PKMYT1: variants seen among roughly 807,000 people sequenced by gnomAD.
PKMYT1 encodes the protein protein kinase, membrane associated tyrosine/threonine 1, also known as membrane-associated tyrosine- and threonine-specific cdc2-inhibitory kinase.
PKMYT1 carries 35 observed loss-of-function variants against 49.7 expected under a neutral mutation model. The observed-to-expected ratio is 0.70, with a 90% confidence interval of 0.54 to 0.93. PKMYT1 has a LOEUF of 0.93. PKMYT1 is among the 40% of genes least tolerant of loss of function. PKMYT1 has a pLI of 0.00. For synonymous variants in PKMYT1, 331 were observed against 287.6 expected, an observed-to-expected ratio of 1.15 and a Z score of -1.53; for missense variants, 677 against 673.1, an observed-to-expected ratio of 1.01 and a Z score of -0.06.
chr16:2,973,911 G>T, intron 7 of PKMYT1, 89 bp downstream of exon 7: 1 of 1,387,524 alleles, frequency 7.2e-7, no homozygotes, highest in African/African-American at 1.4e-5. Flanking sequence ...GTTTGTGGGA[G>T]TGGTCCCCAT....
Position 2,975,668 on chromosome 16 carries a change from G to C in PKMYT1, c.523C>G (p.Gln175Glu), listed in dbSNP as rs745531416. 1 of 1,610,816 alleles carries C rather than the reference G, an allele frequency of 6.2e-7. No individual in the cohort carries two copies. The highest frequency in any genetic ancestry group is 8.5e-7 in the Non-Finnish European group (1 of 1,179,832). ...GQHPCCVRLEQAWEEGGILYL... is the reference protein window; with the variant it reads ...GQHPCCVRLEEAWEEGGILYL... ...AGGATGCCGCCCTCCTCCCAGGCCTGCTCCAGCCGCACGCAGCATGGGTGC... is the reference window on the plus strand; with the variant it reads ...AGGATGCCGCCCTCCTCCCAGGCCTCCTCCAGCCGCACGCAGCATGGGTGC... Residue 175 changes from glutamine (Q) to glutamate (E), a missense_variant, in exon 4 of 9, where the codon CAG becomes GAG. By Grantham distance (29) the Gln-to-Glu change is conservative. Transcript: ENST00000262300.
Position 2,977,617 on chromosome 16 carries a change from G to A in PKMYT1, c.11-586C>T, listed in dbSNP as rs572527423. 1.2e-4 allele frequency: 53 copies of A among 446,454 alleles called. No homozygotes were observed. The South Asian group carries it at 4.0e-3, about 34-fold the overall frequency. The allele number at this position is 446,454 out of a possible 1,614,324, so 27.7% of individuals were successfully genotyped here. A position where few individuals can be genotyped will look rare whatever the true frequency, so the allele number is the denominator to read the frequency against. On this transcript the variant is annotated intron_variant, in intron 2 of 8. Transcript: ENST00000262300. ...AGCACTGAAAGCCTCTGGGCATGGT[G>A]CCCAGGGCACACAGCAAACAAAGGT...
Position 2,976,826 on chromosome 16 carries a change from T to C in PKMYT1, c.216A>G (p.Pro72=). ...PISRLFPPRT[P]GWHQLQPRRV... ...GCCGGGGCTGCAGCTGGTGCCAGCCTGGGGTCCGAGGAGGGAAGAGGCGGC... is the reference window on the plus strand; with the variant it reads ...GCCGGGGCTGCAGCTGGTGCCAGCCCGGGGTCCGAGGAGGGAAGAGGCGGC... The change falls in exon 3 of 9, where the codon CCA becomes CCG. Residue 72 remains proline, a synonymous_variant. Coordinates refer to ENST00000262300, the MANE Select transcript of PKMYT1 (RefSeq NM_004203.5). 6.4e-7 allele frequency: 1 copy of C among 1,565,952 alleles called. No individual in the cohort carries two copies. The highest frequency in any genetic ancestry group is 8.7e-7 in the Non-Finnish European group (1 of 1,154,578).
Position 2,974,331 on chromosome 16 carries a change from G to A in PKMYT1, c.1066C>T (p.Leu356=), listed in dbSNP as rs1015825678. The change falls in exon 6 of 9, where the codon CTG becomes TTG. Residue 356 remains leucine (L), a synonymous_variant. Transcript: ENST00000262300. ...GCCCGCGGCTGCCTCAACACAGGCA[G>A]TGCCAGCAGGGCCTCGGCCGTGGCC... The part of the protein sequence containing the change: ...LRATAEALLA[L]PVLRQPRAWG... 33 of 1,607,142 alleles carry A rather than the reference G, an allele frequency of 2.1e-5. No individual in the cohort carries two copies. The highest frequency in any genetic ancestry group is 2.8e-5 in the Non-Finnish European group (33 of 1,177,538).
At position 2,975,739 on chromosome 16, in the gene PKMYT1, C is replaced by T. The variant is rs139434266; in HGVS notation, c.452G>A (p.Arg151Gln). 8.4e-5 allele frequency: 134 copies of T among 1,602,756 alleles called. No individual in the cohort carries two copies. The highest frequency in any genetic ancestry group is 4.0e-5 in the African/African-American group (3 of 74,944). ...SMSPFRGPKD[R>Q]ARKLAEVGSH... ...GCCCACCTCGGCCAACTTGCGGGCCCGGTCCTTGGGGCCCCGGAATGGTGA... is the reference window on the plus strand; with the variant it reads ...GCCCACCTCGGCCAACTTGCGGGCCTGGTCCTTGGGGCCCCGGAATGGTGA... The change falls in exon 4 of 9, where the codon CGG becomes CAG. Residue 151 changes from arginine (R) to glutamine (Q), a missense_variant. By Grantham distance (43) the Arg-to-Gln change is conservative. Transcript: ENST00000262300.
In PKMYT1 at chr16:2,974,610, G is replaced by T; in HGVS notation, c.919C>A (p.His307Asn). The change falls in exon 5 of 9, where the codon CAC becomes AAC. Residue 307 changes from histidine to asparagine, a missense_variant. By Grantham distance (68) the His-to-Asn change is moderately conservative. Coordinates refer to ENST00000262300, the MANE Select transcript of PKMYT1 (RefSeq NM_004203.5). ...LEVACNMELP[H>N]GGEGWQQLRQ... ...AGCTGCTGCCAGCCCTCCCCACCGT[G>T]GGGCAGCTCCATGTTGCATGCCACT... is the stretch of plus-strand genomic sequence containing the variant. 6.3e-7 allele frequency: 1 copy of T among 1,580,230 alleles called. No homozygotes were observed. The highest frequency in any genetic ancestry group is 8.6e-7 in the Non-Finnish European group (1 of 1,163,390).
intron 3 of PKMYT1, among the ~76,000 whole-genome samples, chr16:2,976,318 G>A (rs2072192202): frequency 6.6e-6 from 1 of 152,024 alleles, no homozygotes; most frequent in Non-Finnish European, 1.5e-5. Flanking sequence ...AGCCTGGGGA[G>A]GGCTGGCCAG....
At chr16:2,978,087 G>A (rs896219110) in intron 2 of PKMYT1, among the ~76,000 whole-genome samples, 1 of 152,180 alleles carries the variant, frequency 6.6e-6, no homozygotes, top group African/African-American at 2.4e-5. Context: ...TAAAGCAATA[G>A]CAGCACTCAG....
intron 2 of PKMYT1, among the ~76,000 whole-genome samples, chr16:2,978,888 C>A (rs2072269055): frequency 6.6e-6 from 1 of 151,566 alleles, no homozygotes; most frequent in African/African-American, 2.4e-5. Flanking sequence ...CCCACTGCAG[C>A]CTCCGACTCC....
Position 2,979,812 on chromosome 16 carries a change from T to C in PKMYT1, c.-155A>G, listed in dbSNP as rs1411969877. 2 of 797,798 alleles carry C rather than the reference T, an allele frequency of 2.5e-6. No homozygotes were observed. Among genetic ancestry groups the C allele is most frequent in the Non-Finnish European group, 4.1e-6 (2 of 487,960 alleles). 49.4% of individuals were successfully genotyped at this position (797,798 alleles called of 1,614,324 possible). On this transcript the variant is annotated 5_prime_UTR_variant, in exon 2 of 9. The change abolishes the stop of an existing upstream ORF in the 5' untranslated region. Transcript: ENST00000262300. ...GATCGGGCCGTCTCGCCTCACCCTCTCACCAGGCCCGACACATCTGCTGGC... is the reference window on the plus strand; with the variant it reads ...GATCGGGCCGTCTCGCCTCACCCTCCCACCAGGCCCGACACATCTGCTGGC...
intron 2 of PKMYT1, 170 bp downstream of exon 2, chr16:2,979,474 TCTAA>T (rs1230212788): frequency 1.1e-4 from 71 of 628,220 alleles, no homozygotes; most frequent in East Asian, 2.2e-4. Flanking sequence ...TTCCTCTGAC[TCTAA>T]CTACCTCAGA....
intron 6 of PKMYT1, 43 bp from the exon 7 acceptor site, chr16:2,974,200 G>A (rs763239719): frequency 2.1e-5 from 33 of 1,562,852 alleles, no homozygotes; most frequent in African/African-American, 6.8e-5. Context: ...GCGGACCCCC[G>A]GGGCTGGGGA....
chr16:2,977,340 T>A, intron 2 of PKMYT1: 1 of 1,164,874 alleles, frequency 8.6e-7, no homozygotes, highest in Non-Finnish European at 1.1e-6. Context: ...GGGCTGCGCC[T>A]GCATCCCTGC....
At chr16:2,975,108 G>A (rs893348306) in intron 4 of PKMYT1, among the ~76,000 whole-genome samples, 1 of 152,220 alleles carries the variant, frequency 6.6e-6, no homozygotes, top group South Asian at 2.1e-4. Flanking sequence ...GAGGAGGCAG[G>A]TTACACAAAG....
At chr16:2,973,277 G>C in intron 7 of PKMYT1, 62 bp from the exon 8 acceptor site, 2 of 1,495,496 alleles carry the variant, frequency 1.3e-6, no homozygotes, top group Non-Finnish European at 1.8e-6. Flanking sequence ...GATGAAACCA[G>C]CTCTGTCCCT....
intron 2 of PKMYT1, chr16:2,977,263 A>T: frequency 7.3e-7 from 1 of 1,372,388 alleles, no homozygotes. Context: ...ATAAGAGGAA[A>T]ACCATGGGGC....
In PKMYT1 at chr16:2,976,697, G is replaced by T; in HGVS notation, c.345C>A (p.Arg115=). The T allele has an allele frequency of 6.7e-7, 1 of 1,487,666 alleles. No individual in the cohort carries two copies. Among genetic ancestry groups the T allele is most frequent in the Non-Finnish European group, 9.0e-7 (1 of 1,116,374 alleles). 92.2% of individuals were successfully genotyped at this position (1,487,666 alleles called of 1,614,324 possible). Residue 115 remains arginine (R), a synonymous_variant, in exon 3 of 9, where the codon CGC becomes CGA. Transcript: ENST00000262300. ...CCTCTCCGTAGGAGCCATGGCCCAG[G>T]CGGCTGAGCCTCTGGAAGCTCTGCT... ...FFQQSFQRLS[R]LGHGSYGEVF...
In PKMYT1 at chr16:2,976,663, C is replaced by A. The variant is rs1333990957; in HGVS notation, c.378+1G>T. 6.8e-7 allele frequency: 1 copy of A among 1,462,232 alleles called. No homozygotes were observed. The highest frequency in any genetic ancestry group is 9.1e-7 in the Non-Finnish European group (1 of 1,102,712). 90.6% of individuals were successfully genotyped at this position (1,462,232 alleles called of 1,614,324 possible). ...GGCCTAGAAGCCGTCCCCTCACTCACCTTGAAGACCTCTCCGTAGGAGCCA... is the reference window on the plus strand; with the variant it reads ...GGCCTAGAAGCCGTCCCCTCACTCAACTTGAAGACCTCTCCGTAGGAGCCA... On this transcript the variant is annotated splice_donor_variant, in intron 3 of 8. Transcript: ENST00000262300. LOFTEE classifies it high-confidence loss of function.
chr16:2,976,735 C>T lies in PKMYT1; in HGVS notation c.307G>A (p.Glu103Lys), dbSNP rs55834293. Residue 103 changes from glutamate (E) to lysine (K), a missense_variant, in exon 3 of 9, where the codon GAG (glutamate) becomes AAG (lysine). By Grantham distance (56) the Glu-to-Lys change is moderately conservative (BLOSUM62 1). Transcript: ENST00000262300. ...TGGAAGCTCTGCTGGAAGAAGGACT[C>T]TGGCCGGCTTGGGTCATACCCAGGG... ...QSPGYDPSRP[E>K]SFFQQSFQRL... 4.7e-6 allele frequency: 7 copies of T among 1,500,776 alleles called. No homozygotes were observed. The highest frequency in any genetic ancestry group is 4.2e-5 in the African/African-American group (3 of 71,412). 93.0% of individuals were successfully genotyped at this position (1,500,776 alleles called of 1,614,324 possible). A position where few individuals can be genotyped will look rare whatever the true frequency, so the allele number is the denominator to read the frequency against.
Sources: gnomAD v4.1 joint callset for allele counts (sites outside exome capture counted in the v4.1 genomes callset) on GRCh38, gnomAD v4.1.1 for gene constraint, MANE v1.5 for transcripts, NCBI Gene and HGNC (gene_info 2026-07-23, HGNC 2026-07-21) for gene names.